The following SLC4A4 variants were observed in gnomAD, a reference collection of about 807,000 sequenced individuals.
The protein encoded by SLC4A4 is electrogenic sodium bicarbonate cotransporter 1.
SLC4A4 carries 27 observed loss-of-function variants against 111.5 expected under a neutral mutation model. The ratio of observed to expected loss-of-function variants is 0.24; its 90% CI spans 0.18 to 0.33. The LOEUF is 0.33. SLC4A4 is among the 10% of genes least tolerant of loss of function. The pLI is 1.00. For missense variants in SLC4A4, 909 were observed against 1,315.5 expected, an observed-to-expected ratio of 0.69 and a Z score of 4.78; for synonymous variants, 443 against 463.4, an observed-to-expected ratio of 0.96 and a Z score of 0.57.
intron 1 of SLC4A4, among the ~76,000 whole-genome samples, chr4:71,223,922 G>A (rs1205491970): frequency 6.6e-6 from 1 of 151,882 alleles, no homozygotes; most frequent in African/African-American, 2.4e-5. Flanking sequence ...TCGTGGCCCC[G>A]TTTCTGATCC....
intron 4 of SLC4A4, among the ~76,000 whole-genome samples, chr4:71,349,611 G>A (rs1729634217): frequency 6.6e-6 from 1 of 152,144 alleles, no homozygotes; most frequent in African/African-American, 2.4e-5. Context: ...AAAAAATTTA[G>A]TTAAATAATT....
At chr4:71,384,999 C>T (rs1018655442) in intron 6 of SLC4A4, among the ~76,000 whole-genome samples, 2 of 150,878 alleles carry the variant, frequency 1.3e-5, no homozygotes, top group Non-Finnish European at 2.9e-5. Flanking sequence ...GCACGTTCTG[C>T]ACATGTACCC....
chr4:71,140,149 G>C lies in SLC4A4; in HGVS notation c.-2+47357G>C, dbSNP rs545666302. On this transcript the variant is annotated intron_variant, in intron 2 of 26. Transcript: ENST00000649996. ...ACAAAATCTCTGCTGGCCAGGCATAGTGGCTCACGCTTGTAATCCCGGACC... is the reference window on the plus strand; with the variant it reads ...ACAAAATCTCTGCTGGCCAGGCATACTGGCTCACGCTTGTAATCCCGGACC... Among the ~76,000 whole-genome samples the C allele has an allele frequency of 1.7e-3, 261 of 152,312 alleles. 2 individuals carry two copies. Among genetic ancestry groups the C allele is most frequent in the African/African-American group, 6.2e-3 (258 of 41,574 alleles).
chr4:71,398,957 A>G (rs537776019), intron 7 of SLC4A4, among the ~76,000 whole-genome samples: 49 of 152,358 alleles, frequency 3.2e-4, no homozygotes, highest in Middle Eastern at 3.4e-3. Flanking sequence ...TCAACCAACC[A>G]TGGACAGAAT....
intron 16 of SLC4A4, among the ~76,000 whole-genome samples, chr4:71,520,647 C>T (rs1417027321): frequency 1.3e-5 from 2 of 152,212 alleles, no homozygotes; most frequent in Admixed American, 1.3e-4. Context: ...TTTTCTGGCT[C>T]CATTTCCTAT....
At chr4:71,321,831 G>A (rs190619932) in intron 3 of SLC4A4, among the ~76,000 whole-genome samples, 75 of 151,998 alleles carry the variant, frequency 4.9e-4, no homozygotes, top group Admixed American at 1.6e-3. Context: ...ACTGAGTTTT[G>A]GATGGAAAAA....
chr4:71,376,112 C>T (rs1365320285), intron 6 of SLC4A4, among the ~76,000 whole-genome samples: 2 of 124,082 alleles, frequency 1.6e-5, no homozygotes, highest in South Asian at 2.6e-4. Context: ...TATATATATA[C>T]GTTTGTGTAT....
intron 2 of SLC4A4, among the ~76,000 whole-genome samples, chr4:71,124,871 A>T (rs898516330): frequency 1.1e-4 from 16 of 152,216 alleles, no homozygotes; most frequent in Non-Finnish European, 2.2e-4. Flanking sequence ...TTTCCACACT[A>T]CGTAAATAAT....
intron 7 of SLC4A4, among the ~76,000 whole-genome samples, chr4:71,440,159 T>C (rs1358786593): frequency 1.3e-5 from 2 of 152,132 alleles, no homozygotes; most frequent in African/African-American, 4.8e-5. Context: ...TTACTTGTTT[T>C]ATTTTTTTTT....
intron 6 of SLC4A4, among the ~76,000 whole-genome samples, chr4:71,388,386 C>G (rs1054055269): frequency 2.0e-5 from 3 of 151,952 alleles, no homozygotes; most frequent in Non-Finnish European, 2.9e-5. Flanking sequence ...ATTATAGGGA[C>G]TTTTTTATTT....
intron 3 of SLC4A4, among the ~76,000 whole-genome samples, chr4:71,310,938 CAT>C (rs1046590465): frequency 7.9e-5 from 12 of 152,150 alleles, no homozygotes; most frequent in African/African-American, 2.7e-4. Context: ...AGACCCATCT[CAT>C]GTGCAAAGAC....
At position 71,175,308 on chromosome 4, in the gene SLC4A4, C is replaced by T. The variant is rs147194136; in HGVS notation, c.-1-61268C>T. Reference sequence around the variant, plus strand: ...GATTTCTGCATTTCCAACTGAGGTACGGGGTTCATCTCACTGGGGATTGTT... The same window carrying T: ...GATTTCTGCATTTCCAACTGAGGTATGGGGTTCATCTCACTGGGGATTGTT... On this transcript the variant is annotated intron_variant, in intron 2 of 26. Transcript: ENST00000649996. Among the ~76,000 whole-genome samples, 770 of 152,290 alleles carry T rather than the reference C, an allele frequency of 5.1e-3. 3 individuals carry two copies. Among genetic ancestry groups the T allele is most frequent in the Non-Finnish European group, 7.3e-3 (500 of 68,036 alleles).
intron 2 of SLC4A4, among the ~76,000 whole-genome samples, chr4:71,123,132 G>A (rs1743479365): frequency 6.6e-6 from 1 of 152,154 alleles, no homozygotes; most frequent in Non-Finnish European, 1.5e-5. Flanking sequence ...ATGGAAAATA[G>A]GAGAGAAGAT....
intron 16 of SLC4A4, among the ~76,000 whole-genome samples, chr4:71,502,411 A>G (rs980111436): frequency 2.6e-5 from 4 of 152,094 alleles, no homozygotes; most frequent in African/African-American, 9.7e-5. Flanking sequence ...GCTCCTTGAC[A>G]TGCTTCCTCA....
intron 3 of SLC4A4, among the ~76,000 whole-genome samples, chr4:71,317,840 C>A (rs992330168): frequency 6.6e-6 from 1 of 151,980 alleles, no homozygotes; most frequent in Non-Finnish European, 1.5e-5. Flanking sequence ...GCAATAACCT[C>A]ATTGAATACA....
chr4:71,230,734 C>T (rs913454167), intron 1 of SLC4A4, among the ~76,000 whole-genome samples: 9 of 152,166 alleles, frequency 5.9e-5, no homozygotes, highest in African/African-American at 2.2e-4. Context: ...CCATGTGCAG[C>T]ATCGTTAAGT....
intron 1 of SLC4A4, among the ~76,000 whole-genome samples, chr4:71,224,366 C>A (rs536630338): frequency 6.6e-6 from 1 of 152,244 alleles, no homozygotes; most frequent in South Asian, 2.1e-4. Context: ...ACAGATCAGT[C>A]GAATTGGCTA....
intron 7 of SLC4A4, among the ~76,000 whole-genome samples, chr4:71,410,679 C>T (rs1336688421): frequency 6.6e-6 from 1 of 152,122 alleles, no homozygotes; most frequent in African/African-American, 2.4e-5. Flanking sequence ...GTTGGGAATA[C>T]ATTTTCAATT....
At chr4:71,102,469 T>A (rs1191051800) in intron 2 of SLC4A4, among the ~76,000 whole-genome samples, 1 of 151,706 alleles carries the variant, frequency 6.6e-6, no homozygotes, top group Non-Finnish European at 1.5e-5. Flanking sequence ...CACATAATTG[T>A]CAGATTCACC....
Sources: gnomAD v4.1 joint callset for allele counts (sites outside exome capture counted in the v4.1 genomes callset) on GRCh38, gnomAD v4.1.1 for gene constraint, MANE v1.5 for transcripts, NCBI Gene and HGNC (gene_info 2026-07-23, HGNC 2026-07-21) for gene names.